The following ARHGEF33 variants were observed in gnomAD, a reference collection of about 807,000 sequenced individuals.
ARHGEF33 encodes the protein Rho guanine nucleotide exchange factor 33.
ARHGEF33 carries 72 observed loss-of-function variants against 101.9 expected under a neutral mutation model. The observed-to-expected ratio is 0.71, with a 90% CI of 0.58 to 0.86. The LOEUF (loss-of-function observed/expected upper bound fraction) is 0.86. Ranked by LOEUF, ARHGEF33 falls within the 40% of genes least tolerant of loss-of-function variation. The probability of loss-of-function intolerance (pLI) is 0.00; values close to 1 mark genes in which losing one functional copy is unlikely to be tolerated. For synonymous variants in ARHGEF33, 499 were observed against 442.5 expected, an observed-to-expected ratio of 1.13 and a Z score of -1.60; for missense variants, 1,169 against 1,111.3, an observed-to-expected ratio of 1.05 and a Z score of -0.74.
At chr2:38,903,239 T>TA (rs201607538) in intron 2 of ARHGEF33, among the ~76,000 whole-genome samples, 2 of 151,990 alleles carry the variant, frequency 1.3e-5, no homozygotes, top group African/African-American at 2.4e-5. Flanking sequence ...AATAGTACAT[T>TA]AAAAAAAACT....
intron 16 of ARHGEF33, among the ~76,000 whole-genome samples, chr2:38,963,479 G>C (rs1410593976): frequency 1.3e-5 from 2 of 152,192 alleles, no homozygotes; most frequent in East Asian, 1.9e-4. Context: ...TTTTGGACAA[G>C]TCACTTGGCT....
At chr2:38,932,292 T>C (rs1214375513) in intron 7 of ARHGEF33, among the ~76,000 whole-genome samples, 3 of 152,074 alleles carry the variant, frequency 2.0e-5, no homozygotes, top group Admixed American at 2.0e-4. Context: ...GCACGGCTAA[T>C]TTTTTGTATT....
At position 38,966,014 on chromosome 2, in the gene ARHGEF33, T is replaced by C. The variant is rs1668044926; in HGVS notation, c.2352T>C (p.His784=). 6.4e-7 allele frequency: 1 copy of C among 1,551,446 alleles called. No individual in the cohort carries two copies. The highest frequency in any genetic ancestry group is 8.7e-7 in the Non-Finnish European group (1 of 1,146,942). ...QTYLEVRREM[H]LEDTTRFCPK... is the part of the protein sequence containing the mutation. ...CTCTTTTTTGTTTCCAGGAGATGCA[T>C]TTAGAAGATACTACCAGATTCTGTC... The change falls in exon 17 of 18, where the codon CAT becomes CAC. Residue 784 remains histidine, a synonymous_variant. Transcript: ENST00000409978.
chr2:38,897,347 AC>A (rs1191291727), intron 2 of ARHGEF33, among the ~76,000 whole-genome samples: 1 of 152,252 alleles, frequency 6.6e-6, no homozygotes, highest in Non-Finnish European at 1.5e-5. Flanking sequence ...AAATAAAAAA[AC>A]AGAGGAAGTT....
chr2:38,936,199 G>A lies in ARHGEF33; in HGVS notation c.565+365G>A, dbSNP rs116818638. 6.5e-3 allele frequency among the ~76,000 whole-genome samples: 995 copies of A among 152,258 alleles called. 13 individuals carry two copies. Among genetic ancestry groups the A allele is most frequent in the African/African-American group, 0.022 (906 of 41,538 alleles). ...TCAAAAGTTACCTACTTTTACATCT[G>A]TGTAGTGCAGGTAATAAAGGACTAA... On this transcript the variant is annotated intron_variant, in intron 8 of 17. Transcript: ENST00000409978.
At chr2:38,914,615 C>T (rs1666591064) in intron 2 of ARHGEF33, among the ~76,000 whole-genome samples, 1 of 150,544 alleles carries the variant, frequency 6.6e-6, no homozygotes, top group African/African-American at 2.5e-5. Flanking sequence ...TGCAGTGAGC[C>T]TGGATCTCAC....
intron 3 of ARHGEF33, 84 bp downstream of exon 3, chr2:38,919,556 A>G: frequency 7.6e-7 from 1 of 1,315,898 alleles, no homozygotes; most frequent in East Asian, 2.5e-5. Context: ...GTCTCGAGAC[A>G]TGACAGTATG....
At chr2:38,913,062 G>A in intron 2 of ARHGEF33, among the ~76,000 whole-genome samples, 1 of 148,058 alleles carries the variant, frequency 6.8e-6, no homozygotes, top group Admixed American at 6.8e-5. Flanking sequence ...TTTGAGACAG[G>A]ATCTTGCTCT....
At chr2:38,960,766 G>T in intron 16 of ARHGEF33, 118 bp downstream of exon 16, 1 of 859,442 alleles carries the variant, frequency 1.2e-6, no homozygotes, top group Middle Eastern at 3.0e-4. Context: ...CTAGGGGGCG[G>T]CTGCGCGAGC....
At chr2:38,917,550 C>G (rs1666662966) in intron 2 of ARHGEF33, among the ~76,000 whole-genome samples, 1 of 152,140 alleles carries the variant, frequency 6.6e-6, no homozygotes. Flanking sequence ...TCCTGTGCGG[C>G]CAGGCATAGT....
chr2:38,946,222 G>C (rs368339939), intron 10 of ARHGEF33, among the ~76,000 whole-genome samples: 143 of 152,320 alleles, frequency 9.4e-4, no homozygotes, highest in African/African-American at 3.4e-3. Flanking sequence ...TAGATAAAGA[G>C]AAGGCCCTTA....
chr2:38,896,464 T>G (rs1022466704), intron 2 of ARHGEF33, among the ~76,000 whole-genome samples: 3 of 152,200 alleles, frequency 2.0e-5, no homozygotes, highest in African/African-American at 7.2e-5. Flanking sequence ...AAGTTCTATT[T>G]TGGATGTCTT....
At chr2:38,966,252 T>G in intron 17 of ARHGEF33, 107 bp downstream of exon 17, 1 of 1,391,766 alleles carries the variant, frequency 7.2e-7, no homozygotes, top group Middle Eastern at 1.9e-4. Flanking sequence ...ACACAACTGC[T>G]TCAAGTACAG....
At position 38,924,741 on chromosome 2, in the gene ARHGEF33, T is replaced by G. The variant is rs1388401462; in HGVS notation, c.75+3318T>G. Among the ~76,000 whole-genome samples the G allele has an allele frequency of 2.6e-5, 4 of 152,218 alleles. No individual in the cohort carries two copies. The East Asian group carries it at 7.7e-4, about 29-fold the overall frequency. ...TAACTTTTCAAATCCTCTGGTCAAA[T>G]ATAATTTGTATAGTTACTAATTAGT... is the stretch of plus-strand genomic sequence containing the variant. On this transcript the variant is annotated intron_variant, in intron 4 of 17. Coordinates refer to ENST00000409978, the MANE Select transcript of ARHGEF33 (RefSeq NM_001145451.5).
chr2:38,921,415 A>T lies in ARHGEF33; in HGVS notation c.67A>T (p.Ile23Phe), dbSNP rs373601820. ...GCCGGTGAATAATCCTTCCACGCAGATTTACCAGGTAAAGACAAATCGATT... is the reference window on the plus strand; with the variant it reads ...GCCGGTGAATAATCCTTCCACGCAGTTTTACCAGGTAAAGACAAATCGATT... The part of the protein sequence containing the change: ...HMPVNNPSTQ[I>F]YQLQALASEL... Residue 23 changes from isoleucine (I) to phenylalanine (F), a missense_variant, in exon 4 of 18, where the codon ATT becomes TTT. Physicochemically the swap from Ile to Phe is conservative, Grantham distance 21. Transcript: ENST00000409978. 657 of 1,543,144 alleles carry T rather than the reference A, an allele frequency of 4.3e-4. No individual in the cohort carries two copies. The highest frequency in any genetic ancestry group is 5.5e-4 in the Non-Finnish European group (621 of 1,139,172).
intron 14 of ARHGEF33, 105 bp downstream of exon 14, chr2:38,957,152 A>G: frequency 7.3e-7 from 1 of 1,368,150 alleles, no homozygotes; most frequent in African/African-American, 1.4e-5. Context: ...CAGTGGTGGG[A>G]GGTAGAAGGA....
At position 38,975,114 on chromosome 2, in the gene ARHGEF33, C is replaced by T. The variant is rs1668248680; in HGVS notation, c.*1271C>T. ...ACTGGTGTCTTCAGAAGCTGTTCCT[C>T]TATTGAAGCGTTTGTTGATAAAATA... On this transcript the variant is annotated 3_prime_UTR_variant, in exon 18 of 18. Transcript: ENST00000409978. 6.6e-6 allele frequency: 1 copy of T among 152,214 alleles called. No individual in the cohort carries two copies. Among genetic ancestry groups the T allele is most frequent in the Admixed American group, 6.5e-5 (1 of 15,284 alleles). The allele number at this position is 152,214 out of a possible 1,614,324, so 9.4% of individuals were successfully genotyped here.
Position 38,928,946 on chromosome 2 carries a change from G to A in ARHGEF33, c.115G>A (p.Glu39Lys). 6.4e-7 allele frequency: 1 copy of A among 1,550,974 alleles called. No individual in the cohort carries two copies. The change falls in exon 5 of 18, where the codon GAA (glutamate) becomes AAA (lysine). Residue 39 changes from glutamate to lysine, a missense_variant. Coordinates refer to ENST00000409978, the MANE Select transcript of ARHGEF33 (RefSeq NM_001145451.5). ...LASELKTGFTEAMQELSRIQH... is the reference protein window; with the variant it reads ...LASELKTGFTKAMQELSRIQH... ...CTCCGAACTCAAAACTGGTTTCACA[G>A]AAGCAATGCAAGAACTGTCAAGAAT...
chr2:38,939,206 T>C (rs1477161701), intron 9 of ARHGEF33, among the ~76,000 whole-genome samples: 1 of 152,208 alleles, frequency 6.6e-6, no homozygotes, highest in African/African-American at 2.4e-5. Flanking sequence ...ACTCCTGATA[T>C]CAAGTGATCT....
Sources: allele counts gnomAD v4.1 joint callset (sites outside exome capture counted in the v4.1 genomes callset), GRCh38; gene constraint gnomAD v4.1.1; transcripts MANE v1.5; gene names NCBI Gene and HGNC (gene_info 2026-07-23, HGNC 2026-07-21).